FGF14: variants seen among roughly 807,000 people sequenced by gnomAD.
The protein encoded by FGF14 is fibroblast growth factor 14.
A neutral mutation model predicts 25.5 loss-of-function variants in FGF14; 5 were observed. That is an observed-to-expected ratio of 0.20 (90% CI 0.10 to 0.41). The LOEUF is 0.41. Ranked by LOEUF, FGF14 falls within the 10% of genes least tolerant of loss-of-function variation. The pLI, the probability that FGF14 is intolerant of heterozygous loss-of-function variation, is 1.00. For missense variants in FGF14, 222 were observed against 320.1 expected, an observed-to-expected ratio of 0.69 and a Z score of 2.34; for synonymous variants, 138 against 118.3, an observed-to-expected ratio of 1.17 and a Z score of -1.08.
intron 1 of FGF14, among the ~76,000 whole-genome samples, chr13:101,995,823 G>C (rs909205252): frequency 6.6e-6 from 1 of 152,140 alleles, no homozygotes; most frequent in African/African-American, 2.4e-5. Context: ...TTGAACTCAT[G>C]ACATAGAGGG....
At chr13:102,235,044 T>C (rs1267979715) in intron 1 of FGF14, among the ~76,000 whole-genome samples, 1 of 152,250 alleles carries the variant, frequency 6.6e-6, no homozygotes, top group Non-Finnish European at 1.5e-5. Flanking sequence ...AAGATTATTT[T>C]GTCTGGCCAA....
chr13:101,952,953 G>A (rs1401889542), intron 1 of FGF14, among the ~76,000 whole-genome samples: 3 of 152,270 alleles, frequency 2.0e-5, no homozygotes, highest in Admixed American at 6.5e-5. Context: ...AGAATTGCTC[G>A]AACCCGGGAG....
At chr13:102,141,643 T>A (rs1176540696) in intron 1 of FGF14, among the ~76,000 whole-genome samples, 1 of 152,216 alleles carries the variant, frequency 6.6e-6, no homozygotes, top group African/African-American at 2.4e-5. Flanking sequence ...CTCCAATACA[T>A]AATTGTGATG....
chr13:102,354,524 ATT>A (rs1292565704), intron 1 of FGF14, among the ~76,000 whole-genome samples: 2 of 152,082 alleles, frequency 1.3e-5, no homozygotes, highest in African/African-American at 4.8e-5. Context: ...TCTTACACAT[ATT>A]GATTGATGTC....
intron 3 of FGF14, among the ~76,000 whole-genome samples, chr13:101,780,320 T>C (rs993831633): frequency 6.6e-6 from 1 of 152,234 alleles, no homozygotes; most frequent in Admixed American, 6.5e-5. Flanking sequence ...TTGAAGGTAG[T>C]TGTGGTTCAC....
intron 1 of FGF14, among the ~76,000 whole-genome samples, chr13:102,034,167 T>G (rs1053138805): frequency 2.6e-5 from 4 of 152,078 alleles, no homozygotes; most frequent in Admixed American, 6.6e-5. Context: ...GCAACTCAAT[T>G]TCCCTAGAGA....
At chr13:101,750,007 G>A (rs952532928) in intron 3 of FGF14, among the ~76,000 whole-genome samples, 1 of 151,994 alleles carries the variant, frequency 6.6e-6, no homozygotes, top group Non-Finnish European at 1.5e-5. Flanking sequence ...GGACTGAAGA[G>A]ACTGGAGTTC....
At chr13:101,947,320 T>A (rs559179539) in intron 1 of FGF14, among the ~76,000 whole-genome samples, 9 of 152,210 alleles carry the variant, frequency 5.9e-5, no homozygotes, top group African/African-American at 1.4e-4. Flanking sequence ...GACACAACAA[T>A]CCCATTACTG....
intron 2 of FGF14, 31 bp from the exon 3 acceptor site, chr13:101,868,859 G>A (rs752022905): frequency 1.6e-5 from 23 of 1,442,068 alleles, no homozygotes; most frequent in African/African-American, 4.2e-5. Context: ...TATCATGAAT[G>A]GGCAGGAAGA....
At chr13:101,832,795 C>T (rs1008876599) in intron 3 of FGF14, among the ~76,000 whole-genome samples, 2 of 151,772 alleles carry the variant, frequency 1.3e-5, no homozygotes, top group Admixed American at 6.6e-5. Flanking sequence ...TAAGAATTCT[C>T]GAGAAAGGTT....
chr13:102,268,652 A>G (rs1360160536), intron 1 of FGF14, among the ~76,000 whole-genome samples: 1 of 152,072 alleles, frequency 6.6e-6, no homozygotes, highest in Admixed American at 6.6e-5. Flanking sequence ...TTATATGATG[A>G]TGGTGTTTTT....
chr13:102,361,991 A>G (rs895715445), intron 1 of FGF14, among the ~76,000 whole-genome samples: 17 of 151,964 alleles, frequency 1.1e-4, no homozygotes, highest in Admixed American at 1.1e-3. Flanking sequence ...TCCTCTTCTC[A>G]ATTTCCATGG....
chr13:102,024,713 A>C (rs1288229650), intron 1 of FGF14, among the ~76,000 whole-genome samples: 1 of 151,686 alleles, frequency 6.6e-6, no homozygotes, highest in African/African-American at 2.4e-5. Flanking sequence ...ATGTACACCA[A>C]TTTTTCTTCT....
intron 1 of FGF14, among the ~76,000 whole-genome samples, chr13:102,076,118 C>T (rs751095299): frequency 6.6e-6 from 1 of 151,966 alleles, no homozygotes; most frequent in Non-Finnish European, 1.5e-5. Context: ...TATAGTGCAA[C>T]CTATGTGTAC....
At chr13:101,896,170 G>A (rs1219718728) in intron 1 of FGF14, among the ~76,000 whole-genome samples, 1 of 152,032 alleles carries the variant, frequency 6.6e-6, no homozygotes, top group Non-Finnish European at 1.5e-5. Context: ...CTATTAAGGT[G>A]GGGCAATAGC....
chr13:102,351,817 T>C (rs74112324), intron 1 of FGF14, among the ~76,000 whole-genome samples: 3,702 of 152,302 alleles, frequency 0.024, 155 homozygotes, highest in African/African-American at 0.084. Context: ...AAGGTGGCTT[T>C]TGTCATCTAG....
intron 1 of FGF14, among the ~76,000 whole-genome samples, chr13:102,332,695 T>C (rs553931616): frequency 6.4e-4 from 97 of 152,216 alleles, no homozygotes; most frequent in African/African-American, 2.1e-3. Flanking sequence ...CAAGTGCTGG[T>C]TGAAATGTTA....
At chr13:102,186,945 C>T (rs1421370739) in intron 1 of FGF14, among the ~76,000 whole-genome samples, 2 of 152,154 alleles carry the variant, frequency 1.3e-5, no homozygotes, top group Non-Finnish European at 2.9e-5. Flanking sequence ...GAAACACAGA[C>T]ACACATCAGA....
At chr13:101,742,339 GTTACA>G (rs2036608723) in intron 3 of FGF14, among the ~76,000 whole-genome samples, 2 of 152,096 alleles carry the variant, frequency 1.3e-5, no homozygotes. Flanking sequence ...AATGAATGCT[GTTACA>G]TTAAAGTCAT....
Sources: gnomAD v4.1 joint callset for allele counts (sites outside exome capture counted in the v4.1 genomes callset) on GRCh38, gnomAD v4.1.1 for gene constraint, MANE v1.5 for transcripts, NCBI Gene and HGNC (gene_info 2026-07-23, HGNC 2026-07-21) for gene names.